The following DST variants were observed in gnomAD, a reference collection of about 807,000 sequenced individuals.
DST encodes the protein bullous pemphigoid antigen.
A neutral mutation model predicts 875.2 loss-of-function variants in DST; 253 were observed. The ratio of observed to expected loss-of-function variants is 0.29; its 90% confidence interval spans 0.26 to 0.32. The LOEUF (loss-of-function observed/expected upper bound fraction) is 0.32. Ranked by LOEUF, DST falls within the 10% of genes least tolerant of loss-of-function variation. The pLI is 1.00. For synonymous variants in DST, 3,124 were observed against 3,197.1 expected (o/e 0.98, Z 0.77); for missense variants, 8,287 against 9,111.6 (o/e 0.91, Z 3.68).
chr6:56,719,656 G>A (rs755253961), intron 5 of DST, among the ~76,000 whole-genome samples: 24 of 152,204 alleles, frequency 1.6e-4, no homozygotes, highest in Non-Finnish European at 3.2e-4. Flanking sequence ...ATTCACCCCC[G>A]ACATTTCACG....
intron 4 of DST, among the ~76,000 whole-genome samples, chr6:56,810,251 A>C (rs2099758283): frequency 6.6e-6 from 1 of 152,132 alleles, no homozygotes; most frequent in East Asian, 1.9e-4. Context: ...TCAAAGCTGC[A>C]GTGAGCTATG....
At chr6:56,800,668 T>G (rs1207069748) in intron 4 of DST, among the ~76,000 whole-genome samples, 1 of 152,002 alleles carries the variant, frequency 6.6e-6, no homozygotes, top group Admixed American at 6.6e-5. Flanking sequence ...TGTTAATAGT[T>G]ACAATGCCAT....
intron 73 of DST, among the ~76,000 whole-genome samples, chr6:56,510,283 C>T (rs2096446514): frequency 6.6e-6 from 1 of 152,062 alleles, no homozygotes; most frequent in African/African-American, 2.4e-5. Context: ...GGATTGTTTA[C>T]TTCATTTTTA....
At position 56,671,215 on chromosome 6, in the gene DST, C is replaced by T. The variant is rs536465730; in HGVS notation, c.1048-408G>A. Among the ~76,000 whole-genome samples, 282 of 152,258 alleles carry T rather than the reference C, an allele frequency of 1.9e-3. 2 individuals carry two copies. The highest frequency in any genetic ancestry group is 2.8e-3 in the Non-Finnish European group (190 of 68,010). ...AAGCATTTATTCTCTTTTTACTAAA[C>T]CAAAACTCTACAGTATTGAAAATTC... On this transcript the variant is annotated intron_variant, in intron 9 of 103. Coordinates refer to ENST00000680361, the MANE Select transcript of DST (RefSeq NM_001374736.1).
intron 2 of DST, among the ~76,000 whole-genome samples, chr6:56,935,784 G>A (rs1812710402): frequency 1.3e-5 from 2 of 152,058 alleles, no homozygotes; most frequent in Non-Finnish European, 1.5e-5. Flanking sequence ...AATTAGCTGG[G>A]CATGGTGGTG....
intron 5 of DST, among the ~76,000 whole-genome samples, chr6:56,711,754 G>A (rs1032872105): frequency 3.9e-5 from 6 of 152,104 alleles, no homozygotes; most frequent in African/African-American, 1.4e-4. Flanking sequence ...ACATATGAGA[G>A]AGAGAAGAAC....
Position 56,632,868 on chromosome 6 carries a change from T to G in DST, c.3791A>C (p.Lys1264Thr). ...VCKQYYQELLKSAEREEQEES... is the reference protein window; with the variant it reads ...VCKQYYQELLTSAEREEQEES... The stretch of plus-strand genomic sequence containing the variant: ...CCATGCTTTACCTCTTTCTGCAGAT[T>G]TAAGAAGTTCTTGATAATACTGCTT... Residue 1264 changes from lysine (K) to threonine (T), a missense_variant, in exon 28 of 104, where the codon AAA (lysine) becomes ACA (threonine). Physicochemically the swap from Lys to Thr is moderately conservative, Grantham distance 78. This residue lies in a region of DST where 3,138 missense variants were observed against 3,116.6 expected (regional missense o/e 1.01). Transcript: ENST00000680361. The G allele has an allele frequency of 6.2e-7, 1 of 1,613,812 alleles. No homozygotes were observed. Among genetic ancestry groups the G allele is most frequent in the Non-Finnish European group, 8.5e-7 (1 of 1,179,896 alleles).
At chr6:56,632,818 T>C (rs377697876) in intron 28 of DST, 36 bp downstream of exon 28, 71 of 1,585,344 alleles carry the variant, frequency 4.5e-5, no homozygotes, top group Non-Finnish European at 5.9e-5. Context: ...ACTAAACACC[T>C]ATGGGGAAAA....
intron 69 of DST, among the ~76,000 whole-genome samples, chr6:56,521,157 G>A (rs139889761): frequency 2.7e-4 from 41 of 152,174 alleles, no homozygotes; most frequent in African/African-American, 9.6e-4. Flanking sequence ...TGAAAAAGAA[G>A]TGAAAGTTAG....
chr6:56,537,483 C>A (rs759738899), intron 61 of DST, among the ~76,000 whole-genome samples: 1 of 152,044 alleles, frequency 6.6e-6, no homozygotes, highest in African/African-American at 2.4e-5. Context: ...GGCAGGAGGG[C>A]CAAAATACAG....
intron 56 of DST, 140 bp from the exon 57 acceptor site, chr6:56,561,689 T>C: frequency 2.7e-6 from 2 of 752,612 alleles, no homozygotes; most frequent in Non-Finnish European, 4.0e-6. Flanking sequence ...GTCATAAGCT[T>C]TTCAGAAATA....
intron 88 of DST, chr6:56,483,527 C>CTTTTTTTTTTTT (rs138042978): frequency 1.0e-4 from 6 of 60,040 alleles, no homozygotes; most frequent in African/African-American, 3.8e-4. Context: ...TCTGGGTTTG[C>CTTTTTTTTTTTT]TTTTTTTTTT....
chr6:56,506,803 A>T lies in DST; in HGVS notation c.19240-14T>A. The T allele has an allele frequency of 6.2e-7, 1 of 1,601,396 alleles. No individual in the cohort carries two copies. The highest frequency in any genetic ancestry group is 8.5e-7 in the Non-Finnish European group (1 of 1,175,034). The stretch of plus-strand genomic sequence containing the variant: ...TTCCCTTATGGTCTAGAATAAGAAA[A>T]TGACAGCCTTAGAATTTTAAGCAAA... On this transcript the variant is annotated splice_polypyrimidine_tract_variant and intron_variant, in intron 75 of 103. Coordinates refer to ENST00000680361, the MANE Select transcript of DST (RefSeq NM_001374736.1).
chr6:56,937,403 T>C (rs1451708), intron 2 of DST, among the ~76,000 whole-genome samples: 20,342 of 152,116 alleles, frequency 0.13, 1,779 homozygotes, highest in Middle Eastern at 0.23. Flanking sequence ...CTAAAAAGCA[T>C]GTGAAAAGAT....
chr6:56,706,741 C>T (rs962938804), intron 5 of DST, among the ~76,000 whole-genome samples: 1 of 152,176 alleles, frequency 6.6e-6, no homozygotes, highest in Non-Finnish European at 1.5e-5. Flanking sequence ...TGGCTCATAC[C>T]TGTAATCCCC....
chr6:56,460,254 C>T lies in DST; in HGVS notation c.23071G>A (p.Gly7691Arg). Residue 7691 changes from glycine (G) to arginine (R), a missense_variant and splice_region_variant, in exon 103 of 104, where the codon GGA becomes AGA. Coordinates refer to ENST00000680361, the MANE Select transcript of DST (RefSeq NM_001374736.1). ...CSDFPVPSAE[G>R]TPIQGSKLRL... is the part of the protein sequence containing the mutation. ...AGCTTGCTTCCTTGTATTGGCGTTC[C>T]CTGTATTTAACCAGCAACAAGACAT... is the stretch of plus-strand genomic sequence containing the variant. 1 of 1,613,868 alleles carries T rather than the reference C, an allele frequency of 6.2e-7. No homozygotes were observed.
intron 98 of DST, chr6:56,466,474 G>A (rs2094581333): frequency 4.2e-6 from 1 of 240,636 alleles, no homozygotes; most frequent in Admixed American, 5.5e-5. Context: ...TCTTATGACA[G>A]AAACAATATT....
At chr6:56,598,945 G>A (rs2098418033) in intron 45 of DST, among the ~76,000 whole-genome samples, 3 of 152,050 alleles carry the variant, frequency 2.0e-5, no homozygotes, top group African/African-American at 7.2e-5. Flanking sequence ...TGCAGTCAGT[G>A]AAACACTGAA....
chr6:56,593,052 T>C (rs1346322294), intron 48 of DST, among the ~76,000 whole-genome samples: 4 of 152,164 alleles, frequency 2.6e-5, no homozygotes, highest in African/African-American at 9.7e-5. Context: ...CTTGAGAGGC[T>C]GCAAGCATCT....
Sources: allele counts gnomAD v4.1 joint callset (sites outside exome capture counted in the v4.1 genomes callset), GRCh38; gene constraint gnomAD v4.1.1; regional missense constraint gnomAD v4.1.1; transcripts MANE v1.5; gene names NCBI Gene and HGNC (gene_info 2026-07-23, HGNC 2026-07-21).